RAD51B: variants seen among roughly 807,000 people sequenced by gnomAD.
RAD51B encodes the protein RAD51 paralog B.
Under a neutral mutation model 42.2 loss-of-function variants are expected in RAD51B, and 38 were observed. The observed-to-expected ratio is 0.90, with a 90% CI of 0.70 to 1.18. RAD51B has a LOEUF of 1.18. Among genes scored for constraint, RAD51B ranks in the 50% most tolerant of loss-of-function variants. The pLI, the probability that RAD51B is intolerant of heterozygous loss-of-function variation, is 0.00. For synonymous variants in RAD51B, 154 were observed against 145.2 expected (o/e 1.06, Z -0.43); for missense variants, 373 against 400.7 (o/e 0.93, Z 0.59).
chr14:68,471,171 G>T (rs1383148850), intron 10 of RAD51B, among the ~76,000 whole-genome samples: 2 of 152,164 alleles, frequency 1.3e-5, no homozygotes, highest in African/African-American at 4.8e-5. Context: ...CAGGGACTTA[G>T]AGACAGACAG....
chr14:68,261,257 CA>C (rs1483812692), intron 7 of RAD51B, among the ~76,000 whole-genome samples: 1 of 152,186 alleles, frequency 6.6e-6, no homozygotes, highest in Non-Finnish European at 1.5e-5. Context: ...GTTCCTGCCA[CA>C]AGGCAAAAAC....
chr14:68,119,948 G>T lies in RAD51B; in HGVS notation c.757-171936G>T, dbSNP rs527473760. The stretch of plus-strand genomic sequence containing the variant: ...ACAGTCCCACCAACAGTGTAAAAGT[G>T]TTCCTATTTCTCCACATCCTCTCCA... On this transcript the variant is annotated intron_variant, in intron 7 of 10. Coordinates refer to ENST00000471583, the MANE Select transcript of RAD51B (RefSeq NM_133510.4). Among the ~76,000 whole-genome samples the T allele has an allele frequency of 2.9e-3, 437 of 151,034 alleles. 2 individuals carry two copies. The highest frequency in any genetic ancestry group is 0.01 in the African/African-American group (413 of 41,180).
At chr14:68,049,859 G>A (rs561069392) in intron 7 of RAD51B, among the ~76,000 whole-genome samples, 1 of 152,236 alleles carries the variant, frequency 6.6e-6, no homozygotes, top group East Asian at 1.9e-4. Flanking sequence ...TGAATGTCAA[G>A]CCTGTTTTTC....
chr14:68,199,399 G>A (rs2079438286), intron 7 of RAD51B, among the ~76,000 whole-genome samples: 1 of 152,164 alleles, frequency 6.6e-6, no homozygotes, highest in South Asian at 2.1e-4. Flanking sequence ...TATTCAGACT[G>A]CTCATTCTTT....
intron 7 of RAD51B, among the ~76,000 whole-genome samples, chr14:67,940,054 A>ATT (rs1170220269): frequency 6.9e-5 from 1 of 14,560 alleles, no homozygotes; most frequent in African/African-American, 2.3e-4. Flanking sequence ...ATATATATAT[A>ATT]TTTTTTTTTT....
At chr14:68,161,295 A>G (rs1474130707) in intron 7 of RAD51B, among the ~76,000 whole-genome samples, 1 of 152,130 alleles carries the variant, frequency 6.6e-6, no homozygotes, top group Non-Finnish European at 1.5e-5. Flanking sequence ...GGTTGGCTTT[A>G]TTATTATTCA....
rs551542045 is a variant in RAD51B at position 68,251,075 on chromosome 14, T to A, written c.757-40809T>A. Among the ~76,000 whole-genome samples the A allele has an allele frequency of 2.0e-5, 3 of 152,308 alleles. No homozygotes were observed. The East Asian group carries it at 5.8e-4, about 29-fold the overall frequency. ...AGAGATGCTGGACAAAACAACTTTG[T>A]CTTTGACTAGTTGTCAAGGCCCTGC... On this transcript the variant is annotated intron_variant, in intron 7 of 10. Transcript: ENST00000471583.
intron 7 of RAD51B, among the ~76,000 whole-genome samples, chr14:67,981,251 A>G (rs1317585535): frequency 1.3e-5 from 2 of 152,230 alleles, no homozygotes; most frequent in Non-Finnish European, 2.9e-5. Context: ...ATAAATATGT[A>G]CAATTATTAT....
intron 4 of RAD51B, among the ~76,000 whole-genome samples, chr14:67,859,497 C>T (rs1034211426): frequency 6.6e-6 from 1 of 152,162 alleles, no homozygotes; most frequent in Non-Finnish European, 1.5e-5. Context: ...GGAATTGTAT[C>T]CACTATTGTT....
intron 7 of RAD51B, among the ~76,000 whole-genome samples, chr14:68,255,462 C>G (rs1327286365): frequency 5.3e-5 from 8 of 152,158 alleles, no homozygotes; most frequent in Non-Finnish European, 4.4e-5. Context: ...CCTTAGTTAC[C>G]TAATTCCTTT....
At chr14:67,940,076 T>A (rs2045143050) in intron 7 of RAD51B, among the ~76,000 whole-genome samples, 2 of 68,888 alleles carry the variant, frequency 2.9e-5, no homozygotes, top group South Asian at 5.1e-4. Context: ...TTTTTTTTTT[T>A]TTTTTTTTTT....
intron 7 of RAD51B, among the ~76,000 whole-genome samples, chr14:67,987,521 G>A (rs190500927): frequency 1.1e-4 from 17 of 152,258 alleles, no homozygotes; most frequent in African/African-American, 4.1e-4. Flanking sequence ...ATTTGTAAAG[G>A]TCCATAGTAA....
chr14:68,650,652 A>T (rs901903509), intron 10 of RAD51B: 1 of 617,344 alleles, frequency 1.6e-6, no homozygotes, highest in African/African-American at 1.8e-5. Flanking sequence ...TTAAAGTAGC[A>T]TCTAATTCAA....
intron 9 of RAD51B, among the ~76,000 whole-genome samples, chr14:68,428,389 A>G (rs1594821983): frequency 6.6e-6 from 1 of 152,174 alleles, no homozygotes; most frequent in East Asian, 1.9e-4. Context: ...ACCACTTAAC[A>G]TGAGATCTAT....
At chr14:68,540,994 C>T in intron 10 of RAD51B, 1 of 985,366 alleles carries the variant, frequency 1.0e-6, no homozygotes, top group Non-Finnish European at 1.2e-6. Context: ...GTTGTTATTG[C>T]TATCATTTGT....
chr14:68,066,424 C>T (rs1339818605), intron 7 of RAD51B, among the ~76,000 whole-genome samples: 1 of 152,096 alleles, frequency 6.6e-6, no homozygotes, highest in Admixed American at 6.5e-5. Flanking sequence ...CTAATGCATC[C>T]TATTTTTAAA....
At chr14:68,409,585 G>A (rs573031286) in intron 8 of RAD51B, among the ~76,000 whole-genome samples, 1 of 152,298 alleles carries the variant, frequency 6.6e-6, no homozygotes, top group African/African-American at 2.4e-5. Flanking sequence ...TAGATTGGAT[G>A]CCAAGGAAGG....
At chr14:67,890,381 A>AT (rs537879194) in intron 7 of RAD51B, among the ~76,000 whole-genome samples, 111 of 147,392 alleles carry the variant, frequency 7.5e-4, no homozygotes, top group Admixed American at 1.2e-3. Context: ...CAGTTTGGGG[A>AT]TTTTTTTTTT....
intron 10 of RAD51B, among the ~76,000 whole-genome samples, chr14:68,547,647 T>C (rs1429570914): frequency 2.0e-5 from 3 of 152,176 alleles, no homozygotes; most frequent in Non-Finnish European, 2.9e-5. Flanking sequence ...CTCTCTGTTG[T>C]CTGTAGCTCC....
Sources: allele counts gnomAD v4.1 joint callset (sites outside exome capture counted in the v4.1 genomes callset), GRCh38; gene constraint gnomAD v4.1.1; transcripts MANE v1.5; gene names NCBI Gene and HGNC (gene_info 2026-07-23, HGNC 2026-07-21).